Variants in RBFOX1 observed in about 807,000 individuals in gnomAD.
RBFOX1 encodes the protein RNA binding fox-1 homolog 1, also known as RNA binding protein fox-1 homolog 1.
In RBFOX1, 8 loss-of-function variants were observed where a neutral mutation model predicts 57.7. That is an observed-to-expected ratio of 0.14 (90% confidence interval 0.08 to 0.25). The LOEUF is 0.25. RBFOX1 is among the 10% of genes least tolerant of loss of function. The pLI, the probability that RBFOX1 is intolerant of heterozygous loss-of-function variation, is 1.00. For missense variants in RBFOX1, 611 were observed against 548.5 expected (o/e 1.11, Z -1.14); for synonymous variants, 326 against 222.4 (o/e 1.47, Z -4.15).
intron 2 of RBFOX1, among the ~76,000 whole-genome samples, chr16:6,361,608 A>C (rs924792223): frequency 4.0e-5 from 6 of 150,376 alleles, no homozygotes; most frequent in African/African-American, 1.5e-4. Flanking sequence ...AGCCTGGGTG[A>C]CACATTGAGA....
chr16:7,043,543 G>A (rs1393095000), intron 3 of RBFOX1, among the ~76,000 whole-genome samples: 2 of 152,136 alleles, frequency 1.3e-5, no homozygotes, highest in African/African-American at 4.8e-5. Context: ...AGTTTATAAT[G>A]ATTACAAAAA....
chr16:6,274,013 C>T (rs1483117224), intron 1 of RBFOX1, among the ~76,000 whole-genome samples: 1 of 152,160 alleles, frequency 6.6e-6, no homozygotes, highest in Non-Finnish European at 1.5e-5. Context: ...GCACACCTAT[C>T]AGAAGGGCTA....
chr16:5,378,604 T>A (rs1461701383), intron 1 of RBFOX1, among the ~76,000 whole-genome samples: 1 of 151,586 alleles, frequency 6.6e-6, no homozygotes, highest in Non-Finnish European at 1.5e-5. Flanking sequence ...GACGTGGTAC[T>A]TTCCATGTTA....
At chr16:7,333,692 A>G (rs1233001798) in intron 4 of RBFOX1, among the ~76,000 whole-genome samples, 2 of 152,182 alleles carry the variant, frequency 1.3e-5, no homozygotes, top group Non-Finnish European at 1.5e-5. Flanking sequence ...GAGGGTTGAT[A>G]TGTGTGCTGG....
chr16:5,489,269 G>A (rs555633117), intron 2 of RBFOX1, among the ~76,000 whole-genome samples: 56 of 152,344 alleles, frequency 3.7e-4, no homozygotes, highest in Middle Eastern at 3.4e-3. Flanking sequence ...GCTTACACAT[G>A]AAGGGCACAT....
In RBFOX1 at chr16:7,076,302, G is replaced by C. The variant is rs1223097635; in HGVS notation, c.27+24204G>C. Among the ~76,000 whole-genome samples the C allele has an allele frequency of 4.6e-5, 7 of 152,030 alleles. No homozygotes were observed. The East Asian group carries it at 1.2e-3, about 25-fold the overall frequency. On this transcript the variant is annotated intron_variant, in intron 4 of 15. Coordinates refer to ENST00000550418, the MANE Select transcript of RBFOX1 (RefSeq NM_018723.4). ...CTGCCTTGGCCTCTCAAAGTGCTGGGATTTCAGGCGTGAACCACCACTCCC... is the reference window on the plus strand; with the variant it reads ...CTGCCTTGGCCTCTCAAAGTGCTGGCATTTCAGGCGTGAACCACCACTCCC...
intron 3 of RBFOX1, among the ~76,000 whole-genome samples, chr16:6,932,029 C>T (rs989241710): frequency 1.3e-5 from 2 of 152,152 alleles, no homozygotes; most frequent in Non-Finnish European, 2.9e-5. Flanking sequence ...AGTAGCTAAC[C>T]TCCTGCAACA....
intron 3 of RBFOX1, among the ~76,000 whole-genome samples, chr16:5,796,680 C>A (rs1186760690): frequency 6.6e-6 from 1 of 152,156 alleles, no homozygotes; most frequent in Non-Finnish European, 1.5e-5. Context: ...TACTCTTACC[C>A]CATTTTACGG....
rs185357739 is a variant in RBFOX1, at chr16:5,863,787, G to A, written c.319-3516G>A. Among the ~76,000 whole-genome samples the A allele has an allele frequency of 3.9e-5, 6 of 152,244 alleles. No individual in the cohort carries two copies. In the East Asian group the frequency reaches 9.7e-4, roughly 25 times the overall value. On this transcript the variant is annotated intron_variant, in intron 3 of 19. Coordinates refer to the RBFOX1 transcript ENST00000641259. The stretch of plus-strand genomic sequence containing the variant: ...ACCACTCCCTGTTGCATCACTATAT[G>A]CCTTACCTTCTACTGTGCCCTCATA...
intron 1 of RBFOX1, among the ~76,000 whole-genome samples, chr16:6,162,096 C>A (rs1421771982): frequency 1.3e-5 from 2 of 152,138 alleles, no homozygotes; most frequent in Non-Finnish European, 2.9e-5. Context: ...TGCAGATTTC[C>A]AAAGAACAGG....
intron 3 of RBFOX1, among the ~76,000 whole-genome samples, chr16:7,011,774 A>G (rs894507146): frequency 2.6e-5 from 4 of 152,194 alleles, no homozygotes; most frequent in South Asian, 2.1e-4. Flanking sequence ...TTGGCCTTCC[A>G]AAGTGCTGGG....
intron 2 of RBFOX1, among the ~76,000 whole-genome samples, chr16:5,573,881 G>A (rs1252640494): frequency 2.0e-5 from 3 of 152,206 alleles, no homozygotes; most frequent in Non-Finnish European, 4.4e-5. Context: ...CTGAGCCTGG[G>A]AGGTCAAGGC....
chr16:6,791,312 A>G (rs899388461), intron 3 of RBFOX1, among the ~76,000 whole-genome samples: 1 of 152,190 alleles, frequency 6.6e-6, no homozygotes, highest in African/African-American at 2.4e-5. Context: ...CATTCATTAT[A>G]TATGATTAGT....
chr16:7,052,987 G>C (rs2050628401), intron 4 of RBFOX1, among the ~76,000 whole-genome samples: 1 of 152,240 alleles, frequency 6.6e-6, no homozygotes, highest in Admixed American at 6.5e-5. Flanking sequence ...CACAACAGTG[G>C]GATTTGGCGT....
chr16:6,827,290 C>T (rs958477045), intron 3 of RBFOX1, among the ~76,000 whole-genome samples: 3 of 151,876 alleles, frequency 2.0e-5, no homozygotes, highest in Non-Finnish European at 4.4e-5. Context: ...AAGTGCTGTC[C>T]TCCAAACCAG....
At chr16:6,916,292 A>G (rs1040815785) in intron 3 of RBFOX1, among the ~76,000 whole-genome samples, 2 of 152,132 alleles carry the variant, frequency 1.3e-5, no homozygotes, top group Admixed American at 6.6e-5. Flanking sequence ...ACAGGATACC[A>G]TAGTTTGTTC....
At chr16:7,383,181 G>C (rs2097811020) in intron 4 of RBFOX1, among the ~76,000 whole-genome samples, 3 of 151,468 alleles carry the variant, frequency 2.0e-5, no homozygotes, top group African/African-American at 7.3e-5. Context: ...CGTTGTCCAT[G>C]ATGTGCTTAT....
chr16:7,708,008 C>T (rs187688354), intron 14 of RBFOX1, among the ~76,000 whole-genome samples: 4 of 152,276 alleles, frequency 2.6e-5, no homozygotes, highest in East Asian at 3.9e-4. Flanking sequence ...AGTATGGGCA[C>T]AGGATACGGT....
rs549743325 is a variant in RBFOX1, at chr16:6,667,679, G to C, written c.-16+13029G>C. 3.1e-4 allele frequency among the ~76,000 whole-genome samples: 47 copies of C among 152,190 alleles called. 1 individual carries two copies. The South Asian group carries it at 8.7e-3, about 28-fold the overall frequency. ...GAGGATTACTTGAGCTCGGGAGTTT[G>C]AGATGAGCCTAGGCAACATATACCC... On this transcript the variant is annotated intron_variant, in intron 3 of 15. Transcript: ENST00000550418.
Sources: allele counts gnomAD v4.1 joint callset (sites outside exome capture counted in the v4.1 genomes callset), GRCh38; gene constraint gnomAD v4.1.1; transcripts MANE v1.5; gene names NCBI Gene and HGNC (gene_info 2026-07-23, HGNC 2026-07-21).